Variants in DLGAP2 observed in about 807,000 individuals in gnomAD.
DLGAP2 encodes the protein DLG associated protein 2.
Under a neutral mutation model 100.3 loss-of-function variants are expected in DLGAP2, and 26 were observed. The observed-to-expected ratio is 0.26, with a 90% CI of 0.19 to 0.36. DLGAP2 has a LOEUF of 0.36. Ranked by LOEUF, DLGAP2 falls within the 10% of genes least tolerant of loss-of-function variation. The pLI is 1.00. For missense variants in DLGAP2, 1,858 were observed against 1,453.2 expected (o/e 1.28, Z -4.53); for synonymous variants, 886 against 630.1 (o/e 1.41, Z -6.08).
At chr8:1,631,952 G>T (rs1797657031) in intron 7 of DLGAP2, among the ~76,000 whole-genome samples, 1 of 152,190 alleles carries the variant, frequency 6.6e-6, no homozygotes, top group South Asian at 2.1e-4. Flanking sequence ...GTTTAAAACA[G>T]TGTATTTTTA....
At chr8:1,376,468 A>G (rs557691795) in intron 3 of DLGAP2, among the ~76,000 whole-genome samples, 152 of 152,332 alleles carry the variant, frequency 1.0e-3, no homozygotes, top group Non-Finnish European at 1.6e-3. Flanking sequence ...AGCTGGGCTG[A>G]CCTGCGCTTC....
intron 2 of DLGAP2, among the ~76,000 whole-genome samples, chr8:1,059,780 G>T (rs146209178): frequency 6.6e-6 from 1 of 152,164 alleles, no homozygotes; most frequent in Non-Finnish European, 1.5e-5. Context: ...AGTGGTGACC[G>T]CAGGAACCAC....
chr8:1,112,754 G>T (rs563830375), intron 2 of DLGAP2, among the ~76,000 whole-genome samples: 4 of 152,156 alleles, frequency 2.6e-5, no homozygotes, highest in African/African-American at 9.7e-5. Context: ...CCCTTTTGTT[G>T]CAGAAATTGC....
chr8:890,468 G>A (rs1485625462), intron 1 of DLGAP2, among the ~76,000 whole-genome samples: 1 of 151,998 alleles, frequency 6.6e-6, no homozygotes, highest in Non-Finnish European at 1.5e-5. Flanking sequence ...GGGGATGTGC[G>A]CTGTCTTCCC....
At chr8:1,508,269 C>G (rs1318543192) in intron 4 of DLGAP2, among the ~76,000 whole-genome samples, 1 of 149,270 alleles carries the variant, frequency 6.7e-6, no homozygotes, top group Non-Finnish European at 1.5e-5. Context: ...CCGGGCTGCC[C>G]CCTGCCATAC....
chr8:796,465 C>T (rs980260181), intron 1 of DLGAP2, among the ~76,000 whole-genome samples: 2 of 152,044 alleles, frequency 1.3e-5, no homozygotes, highest in African/African-American at 4.8e-5. Flanking sequence ...ATCTTGGTAA[C>T]ATCTGGAGGT....
rs369851284 is a variant in DLGAP2 at position 1,517,404 on chromosome 8, C to T, written c.172+15973C>T. 9.9e-5 allele frequency among the ~76,000 whole-genome samples: 15 copies of T among 152,226 alleles called. No homozygotes were observed. The South Asian group carries it at 2.5e-3, about 25-fold the overall frequency. On this transcript the variant is annotated intron_variant, in intron 4 of 14. Transcript: ENST00000637795. Reference sequence around the variant, plus strand: ...GGCCGTGGTGAGGGGCACCCCTGGGCGCCCAGTGCTTGGTCCTGCAACACC... The same window carrying T: ...GGCCGTGGTGAGGGGCACCCCTGGGTGCCCAGTGCTTGGTCCTGCAACACC...
At chr8:846,318 A>G (rs1585925394) in intron 1 of DLGAP2, among the ~76,000 whole-genome samples, 2 of 152,164 alleles carry the variant, frequency 1.3e-5, no homozygotes, top group East Asian at 3.9e-4. Flanking sequence ...ACCTCTGGTA[A>G]CCACAATTCT....
chr8:1,191,279 T>C (rs994315548), intron 2 of DLGAP2, among the ~76,000 whole-genome samples: 1 of 150,432 alleles, frequency 6.6e-6, no homozygotes, highest in Non-Finnish European at 1.5e-5. Context: ...CAGGCCATTC[T>C]CCTGCCTCAG....
chr8:1,201,584 C>T (rs751223366), intron 2 of DLGAP2, among the ~76,000 whole-genome samples: 3 of 152,214 alleles, frequency 2.0e-5, no homozygotes, highest in African/African-American at 4.8e-5. Context: ...AGTGTGTGGT[C>T]ACCGGCACGG....
chr8:1,629,359 G>A lies in DLGAP2; in HGVS notation c.1590+2472G>A, dbSNP rs557043143. On this transcript the variant is annotated intron_variant, in intron 7 of 14. Transcript: ENST00000637795. Reference sequence around the variant, plus strand: ...TTTTTCCCAATGACAAGGAAAGACCGTCCCTAGCCCTGCGCTCAAGTCCTG... The same window carrying A: ...TTTTTCCCAATGACAAGGAAAGACCATCCCTAGCCCTGCGCTCAAGTCCTG... Among the ~76,000 whole-genome samples, 192 of 152,272 alleles carry A rather than the reference G, an allele frequency of 1.3e-3. 1 individual carries two copies. The highest frequency in any genetic ancestry group is 4.4e-3 in the African/African-American group (182 of 41,556).
At chr8:806,087 G>A (rs1796263281) in intron 1 of DLGAP2, among the ~76,000 whole-genome samples, 1 of 152,202 alleles carries the variant, frequency 6.6e-6, no homozygotes, top group Admixed American at 6.5e-5. Context: ...ATGGAAAATT[G>A]GGTGTCAGTT....
intron 1 of DLGAP2, among the ~76,000 whole-genome samples, chr8:759,451 G>A (rs565239846): frequency 2.0e-5 from 3 of 151,260 alleles, no homozygotes; most frequent in Admixed American, 6.6e-5. Context: ...GGGTTGGGAC[G>A]GGTATGCACA....
rs1011424357 is a variant in DLGAP2, at chr8:1,540,430, T to C, written c.173-8196T>C. Among the ~76,000 whole-genome samples, 4 of 152,094 alleles carry C rather than the reference T, an allele frequency of 2.6e-5. No individual in the cohort carries two copies. In the East Asian group the frequency reaches 5.8e-4, roughly 22 times the overall value. ...TTGAATGGCTGGGTTGAGTCATTAATGAAAGAGAGGGAAAGGAAGGCAGGA... is the reference window on the plus strand; with the variant it reads ...TTGAATGGCTGGGTTGAGTCATTAACGAAAGAGAGGGAAAGGAAGGCAGGA... On this transcript the variant is annotated intron_variant, in intron 4 of 14. Transcript: ENST00000637795.
At chr8:1,208,992 A>C (rs574215502) in intron 2 of DLGAP2, among the ~76,000 whole-genome samples, 24 of 152,306 alleles carry the variant, frequency 1.6e-4, no homozygotes, top group African/African-American at 5.3e-4. Context: ...CTGATGAAAG[A>C]AATCATAGAT....
At chr8:850,731 C>G (rs925593966) in intron 1 of DLGAP2, among the ~76,000 whole-genome samples, 1 of 152,066 alleles carries the variant, frequency 6.6e-6, no homozygotes, top group Non-Finnish European at 1.5e-5. Flanking sequence ...TTAAATGTTG[C>G]GAAACTATCT....
intron 2 of DLGAP2, among the ~76,000 whole-genome samples, chr8:1,140,930 C>G (rs1028062433): frequency 1.3e-5 from 2 of 152,220 alleles, no homozygotes; most frequent in African/African-American, 4.8e-5. Context: ...TTGCAGTGAG[C>G]AGAGATTATG....
chr8:1,471,732 C>T (rs771854144), intron 3 of DLGAP2, among the ~76,000 whole-genome samples: 16 of 152,154 alleles, frequency 1.1e-4, no homozygotes, highest in East Asian at 5.8e-4. Context: ...CAGCTGGTGA[C>T]GGACCATGCT....
At chr8:1,031,732 G>C (rs1339957000) in intron 2 of DLGAP2, among the ~76,000 whole-genome samples, 1 of 152,196 alleles carries the variant, frequency 6.6e-6, no homozygotes, top group Non-Finnish European at 1.5e-5. Context: ...AAAGAGCACT[G>C]ATGCCGAAGT....
Sources: gnomAD v4.1 joint callset for allele counts (sites outside exome capture counted in the v4.1 genomes callset) on GRCh38, gnomAD v4.1.1 for gene constraint, MANE v1.5 for transcripts, NCBI Gene and HGNC (gene_info 2026-07-23, HGNC 2026-07-21) for gene names.